GRAMD1C: variants seen among roughly 807,000 people sequenced by gnomAD.
The protein encoded by GRAMD1C is GRAM domain containing 1C, also known as protein Aster-C.
A neutral mutation model predicts 97.8 loss-of-function variants in GRAMD1C; 89 were observed. That is an observed-to-expected ratio of 0.91 (90% CI 0.77 to 1.09). The LOEUF (loss-of-function observed/expected upper bound fraction) is 1.09. Among genes scored for constraint, GRAMD1C ranks in the 50% least tolerant of loss-of-function variants. GRAMD1C has a pLI of 0.00. For synonymous variants in GRAMD1C, 256 were observed against 267.0 expected, an observed-to-expected ratio of 0.96 and a Z score of 0.40; for missense variants, 740 against 766.4, an observed-to-expected ratio of 0.97 and a Z score of 0.41.
rs1044867292 is a variant in GRAMD1C at position 113,886,003 on chromosome 3, G to C, written c.540+3171G>C. 4.5e-6 allele frequency: 6 copies of C among 1,329,316 alleles called. No homozygotes were observed. In the African/African-American group the frequency reaches 1.0e-4, roughly 23 times the overall value. The allele number at this position is 1,329,316 out of a possible 1,614,324, so 82.3% of individuals were successfully genotyped here. A position where few individuals can be genotyped will look rare whatever the true frequency, so the allele number is the denominator to read the frequency against. On this transcript the variant is annotated intron_variant, in intron 6 of 17. Transcript: ENST00000358160. ...GCTGACGTTCATTCTGTGCTGAGCC[G>C]AAACCTTCACCAACATCGGCTCTGG...
intron 2 of GRAMD1C, chr3:113,850,376 C>T: frequency 1.2e-6 from 1 of 815,586 alleles, no homozygotes; most frequent in East Asian, 2.5e-5. Context: ...GTCGGCTTCC[C>T]CTTTTGTGAG....
intron 2 of GRAMD1C, among the ~76,000 whole-genome samples, chr3:113,850,896 G>A (rs1331548115): frequency 5.3e-5 from 8 of 150,960 alleles, no homozygotes; most frequent in Admixed American, 6.6e-5. Flanking sequence ...CCGCTTCCCC[G>A]GGTTCACACC....
intron 2 of GRAMD1C, among the ~76,000 whole-genome samples, chr3:113,849,618 C>A (rs1029964523): frequency 1.3e-5 from 2 of 152,112 alleles, no homozygotes; most frequent in Non-Finnish European, 2.9e-5. Flanking sequence ...GGGGTAAGGT[C>A]ACAGATCAAC....
At chr3:113,897,569 C>T in intron 6 of GRAMD1C, 2 of 979,314 alleles carry the variant, frequency 2.0e-6, no homozygotes, top group African/African-American at 1.7e-5. Context: ...GTGCTTTAAA[C>T]TACATTAGAA....
intron 10 of GRAMD1C, among the ~76,000 whole-genome samples, chr3:113,925,277 C>G (rs959400029): frequency 6.6e-6 from 1 of 152,144 alleles, no homozygotes; most frequent in Non-Finnish European, 1.5e-5. Flanking sequence ...ATCACAAGGT[C>G]AGGAGATCGA....
At chr3:113,874,936 G>C (rs1284784564) in intron 3 of GRAMD1C, among the ~76,000 whole-genome samples, 1 of 152,132 alleles carries the variant, frequency 6.6e-6, no homozygotes, top group Non-Finnish European at 1.5e-5. Flanking sequence ...TCCACTTAAA[G>C]GTCATCGGTG....
intron 2 of GRAMD1C, among the ~76,000 whole-genome samples, chr3:113,864,782 A>G (rs1934520861): frequency 6.6e-6 from 1 of 152,186 alleles, no homozygotes; most frequent in African/African-American, 2.4e-5. Context: ...TTTCTAAGCC[A>G]TCACCAGAAT....
chr3:113,929,335 A>G (rs1937332100), intron 10 of GRAMD1C, among the ~76,000 whole-genome samples: 1 of 152,118 alleles, frequency 6.6e-6, no homozygotes, highest in South Asian at 2.1e-4. Flanking sequence ...TAGGTATTGG[A>G]GGATTGACTG....
intron 3 of GRAMD1C, 131 bp from the exon 4 acceptor site, chr3:113,875,353 G>A (rs1419266696): frequency 5.1e-6 from 3 of 590,310 alleles, no homozygotes; most frequent in Non-Finnish European, 9.1e-6. Context: ...GGTGTCCAAA[G>A]TAGATGAAGG....
intron 5 of GRAMD1C, among the ~76,000 whole-genome samples, chr3:113,880,972 C>A (rs999039506): frequency 1.3e-5 from 2 of 152,018 alleles, no homozygotes; most frequent in African/African-American, 4.8e-5. Flanking sequence ...TTCTGTACTA[C>A]TAAATATTCA....
intron 6 of GRAMD1C, among the ~76,000 whole-genome samples, chr3:113,887,278 G>A (rs1169794205): frequency 7.3e-5 from 11 of 151,514 alleles, no homozygotes; most frequent in Admixed American, 2.6e-4. Flanking sequence ...TTTTAGTAGA[G>A]GTGGGGTTTC....
chr3:113,877,586 A>C (rs1935094652), intron 5 of GRAMD1C, among the ~76,000 whole-genome samples: 1 of 152,158 alleles, frequency 6.6e-6, no homozygotes, highest in Admixed American at 6.5e-5. Flanking sequence ...CCTTGTGATT[A>C]AATTTAGGTT....
upstream of GRAMD1C, among the ~76,000 whole-genome samples, chr3:113,834,560 A>G (rs1280333014): frequency 2.0e-5 from 3 of 152,118 alleles, no homozygotes; most frequent in Admixed American, 1.3e-4. Flanking sequence ...CTTTTTGTCA[A>G]ACTAGTAAGT....
In GRAMD1C at chr3:113,848,484, A is replaced by C. The variant is rs374411904; in HGVS notation, c.174+3835A>C. On this transcript the variant is annotated intron_variant, in intron 2 of 17. Coordinates refer to ENST00000358160, the MANE Select transcript of GRAMD1C (RefSeq NM_017577.5). ...TCTATAGTTTAAAGATAGGAATCTT[A>C]GTTGTTGTATTTGTTTTTTTTTTTA... Among the ~76,000 whole-genome samples, 35 of 138,530 alleles carry C rather than the reference A, an allele frequency of 2.5e-4. No individual in the cohort carries two copies. The East Asian group carries it at 4.4e-3, about 17-fold the overall frequency. 90.9% of individuals were successfully genotyped at this position (138,530 alleles called of 152,430 possible).
At chr3:113,931,125 A>G (rs879454591) in intron 11 of GRAMD1C, among the ~76,000 whole-genome samples, 2 of 152,200 alleles carry the variant, frequency 1.3e-5, no homozygotes, top group South Asian at 4.1e-4. Context: ...ATTTATTTTA[A>G]AAGAGATATA....
intron 5 of GRAMD1C, among the ~76,000 whole-genome samples, chr3:113,879,165 A>T (rs189847123): frequency 2.4e-4 from 36 of 151,620 alleles, no homozygotes; most frequent in Admixed American, 2.3e-3. Context: ...AGACCGCGCC[A>T]CTGCACTCCA....
At chr3:113,900,998 C>A in intron 6 of GRAMD1C, 33 bp from the exon 7 acceptor site, 1 of 1,021,506 alleles carries the variant, frequency 9.8e-7, no homozygotes, top group Non-Finnish European at 1.5e-6. Context: ...TTTATATTTT[C>A]CAATGCTCAG....
chr3:113,869,596 AAT>A lies in GRAMD1C; in HGVS notation c.259+7_259+8del. ...ATACAGAGAGGCTGATAGCAGGTAA[AAT>A]AGAAATTTTCAAAAAAAAGTTTTAT... is the stretch of plus-strand genomic sequence containing the variant. On this transcript the variant is annotated splice_donor_region_variant and intron_variant, in intron 3 of 17. Coordinates refer to ENST00000358160, the MANE Select transcript of GRAMD1C (RefSeq NM_017577.5). 1.4e-6 allele frequency: 2 copies of A among 1,384,802 alleles called. No individual in the cohort carries two copies. The highest frequency in any genetic ancestry group is 2.0e-6 in the Non-Finnish European group (2 of 997,048). The allele number at this position is 1,384,802 out of a possible 1,614,324, so 85.8% of individuals were successfully genotyped here.
At chr3:113,853,666 A>G (rs1490610714) in intron 2 of GRAMD1C, among the ~76,000 whole-genome samples, 5 of 152,212 alleles carry the variant, frequency 3.3e-5, no homozygotes, top group Admixed American at 2.6e-4. Context: ...CAGCCTCTCT[A>G]CCACCCTGGA....
Sources: gnomAD v4.1 joint callset for allele counts (sites outside exome capture counted in the v4.1 genomes callset) on GRCh38, gnomAD v4.1.1 for gene constraint, MANE v1.5 for transcripts, NCBI Gene and HGNC (gene_info 2026-07-23, HGNC 2026-07-21) for gene names.